The following GLE1 variants were observed in gnomAD, a reference collection of about 807,000 sequenced individuals.
GLE1 encodes mRNA export factor GLE1.
GLE1 carries 78 observed loss-of-function variants against 97.3 expected under a neutral mutation model. The observed-to-expected ratio is 0.80, with a 90% confidence interval of 0.67 to 0.97. The LOEUF is 0.97. GLE1 is among the 50% of genes least tolerant of loss of function. The probability of loss-of-function intolerance (pLI) is 0.00; values close to 1 mark genes in which losing one functional copy is unlikely to be tolerated. For missense variants in GLE1, 753 were observed against 857.5 expected (o/e 0.88, Z 1.52); for synonymous variants, 302 against 313.4 (o/e 0.96, Z 0.39).
At chr9:128,530,895 C>T (rs541639580) in intron 9 of GLE1, among the ~76,000 whole-genome samples, 1 of 120,218 alleles carries the variant, frequency 8.3e-6, no homozygotes, top group Non-Finnish European at 1.7e-5. Flanking sequence ...GGTGAAAGAG[C>T]GAGATTCCGT....
chr9:128,521,284 A>G (rs1398911903), intron 3 of GLE1, among the ~76,000 whole-genome samples: 1 of 152,208 alleles, frequency 6.6e-6, no homozygotes, highest in Non-Finnish European at 1.5e-5. Context: ...CTATAATCCC[A>G]GCAGTTTGGG....
chr9:128,529,797 T>G (rs1459998170), intron 9 of GLE1, among the ~76,000 whole-genome samples: 1 of 151,834 alleles, frequency 6.6e-6, no homozygotes, highest in East Asian at 1.9e-4. Context: ...TTTTTTTTTT[T>G]TGAGAGTCTC....
chr9:128,528,878 A>T (rs1193338997), intron 9 of GLE1: 1 of 152,190 alleles, frequency 6.6e-6, no homozygotes, highest in Non-Finnish European at 1.5e-5. Context: ...ATTTGTATGG[A>T]GCTGTAGATG....
In GLE1 at chr9:128,536,440, G is replaced by A. The variant is rs746681153; in HGVS notation, c.1732G>A (p.Ala578Thr). ...CATGTCAGGGATGATCCGTCTCTAC[G>A]CTGCTATCATCCAGCTCCGGTGGCC... ...KRMSGMIRLY[A>T]AIIQLRWPYG... is the part of the protein sequence containing the mutation. The change falls in exon 12 of 16, where the codon GCT becomes ACT. Residue 578 changes from alanine (A) to threonine (T), a missense_variant. Coordinates refer to ENST00000309971, the MANE Select transcript of GLE1 (RefSeq NM_001003722.2). The A allele has an allele frequency of 2.5e-6, 4 of 1,613,810 alleles. No homozygotes were observed. The highest frequency in any genetic ancestry group is 2.2e-5 in the East Asian group (1 of 44,888).
chr9:128,534,414 G>GGA (rs1847630461), intron 11 of GLE1, among the ~76,000 whole-genome samples: 1 of 152,042 alleles, frequency 6.6e-6, no homozygotes, highest in Non-Finnish European at 1.5e-5. Flanking sequence ...TATGTAAACT[G>GGA]GAGAGCCTTT....
intron 2 of GLE1, among the ~76,000 whole-genome samples, chr9:128,512,878 A>G (rs1265004724): frequency 6.6e-6 from 1 of 151,832 alleles, no homozygotes; most frequent in East Asian, 1.9e-4. Flanking sequence ...AGGCTAGGTG[A>G]CCTCAGGTGA....
At chr9:128,531,999 T>A (rs1366528599) in intron 9 of GLE1, among the ~76,000 whole-genome samples, 2 of 151,214 alleles carry the variant, frequency 1.3e-5, no homozygotes, top group African/African-American at 4.8e-5. Flanking sequence ...GGCTAGATGC[T>A]AGATGGGGCA....
chr9:128,539,808 T>C (rs1847834128), intron 14 of GLE1, 110 bp downstream of exon 14: 6 of 1,585,922 alleles, frequency 3.8e-6, no homozygotes, highest in Non-Finnish European at 4.3e-6. Flanking sequence ...AAAACACCTG[T>C]ACTAAGTATG....
chr9:128,527,555 T>G, intron 9 of GLE1, 30 bp downstream of exon 9: 2 of 1,271,962 alleles, frequency 1.6e-6, no homozygotes, highest in Non-Finnish European at 2.3e-6. Context: ...AACATGACCT[T>G]TCATTTCATT....
chr9:128,527,624 AAACAAATGTTTACAGTT>A, intron 9 of GLE1, 99 bp downstream of exon 9: 1 of 800,116 alleles, frequency 1.2e-6, no homozygotes, highest in Non-Finnish European at 2.2e-6. Context: ...AAGTATATTC[AAACAAATGTTTACAGTT>A]GGATCGGGTA....
At position 128,540,316 on chromosome 9, in the gene GLE1, T is replaced by A. The variant is rs180872962; in HGVS notation, c.2006T>A (p.Ile669Lys). 3.0e-5 allele frequency: 49 copies of A among 1,610,096 alleles called. No homozygotes were observed. Among genetic ancestry groups the A allele is most frequent in the Non-Finnish European group, 3.5e-5 (41 of 1,176,480 alleles). ...AGCTCAGGACAGATGGGCTCCTTCA[T>A]ACGCCTCAAGCAGTTCTTGGAGGTA... ...ITSSGQMGSFIRLKQFLEKCL... is the reference protein window; with the variant it reads ...ITSSGQMGSFKRLKQFLEKCL... The change falls in exon 15 of 16, where the codon ATA becomes AAA. Residue 669 changes from isoleucine (I) to lysine (K), a missense_variant. Transcript: ENST00000309971.
intron 9 of GLE1, among the ~76,000 whole-genome samples, chr9:128,531,911 C>T (rs1847523295): frequency 6.6e-6 from 1 of 151,042 alleles, no homozygotes; most frequent in Non-Finnish European, 1.5e-5. Context: ...CATGATGTTG[C>T]TGTGGCATGG....
At chr9:128,524,897 T>A (rs1007523350) in intron 6 of GLE1, among the ~76,000 whole-genome samples, 1 of 151,996 alleles carries the variant, frequency 6.6e-6, no homozygotes, top group African/African-American at 2.4e-5. Context: ...AAAAAATAAT[T>A]ATTATTATAA....
intron 6 of GLE1, among the ~76,000 whole-genome samples, chr9:128,524,608 G>A (rs7037814): frequency 7.6e-6 from 1 of 131,668 alleles, no homozygotes; most frequent in Non-Finnish European, 1.5e-5. Context: ...CTGGAGTGCA[G>A]TGGTGTGATC....
intron 2 of GLE1, among the ~76,000 whole-genome samples, chr9:128,510,879 T>C (rs1392570074): frequency 6.6e-6 from 1 of 150,662 alleles, no homozygotes; most frequent in Non-Finnish European, 1.5e-5. Context: ...TTTTTCTATC[T>C]AGTAGTTCAT....
intron 6 of GLE1, among the ~76,000 whole-genome samples, chr9:128,524,894 A>T (rs894042674): frequency 2.0e-5 from 3 of 152,038 alleles, no homozygotes; most frequent in South Asian, 2.1e-4. Context: ...CTCAAAAAAT[A>T]ATTATTATTA....
At chr9:128,519,199 G>C (rs552313840) in intron 3 of GLE1, among the ~76,000 whole-genome samples, 1 of 152,116 alleles carries the variant, frequency 6.6e-6, no homozygotes, top group Non-Finnish European at 1.5e-5. Flanking sequence ...AAATTGTAGA[G>C]CATGTGTGTT....
chr9:128,527,731 C>T (rs912510515), intron 9 of GLE1, among the ~76,000 whole-genome samples: 7 of 151,916 alleles, frequency 4.6e-5, no homozygotes, highest in Admixed American at 2.0e-4. Context: ...TTTGGGAGGC[C>T]GAGGTGGGCG....
intron 10 of GLE1, 44 bp downstream of exon 10, chr9:128,533,699 G>C: frequency 6.2e-7 from 1 of 1,611,814 alleles, no homozygotes. Context: ...AGAGGCTGGT[G>C]TACAAGATTT....
Sources: gnomAD v4.1 joint callset for allele counts (sites outside exome capture counted in the v4.1 genomes callset) on GRCh38, gnomAD v4.1.1 for gene constraint, MANE v1.5 for transcripts, NCBI Gene and HGNC (gene_info 2026-07-23, HGNC 2026-07-21) for gene names.